Variants in RADIL observed in about 807,000 individuals in gnomAD.
RADIL encodes the protein Rap associating with DIL domain, also known as ras-associating and dilute domain-containing protein.
A neutral mutation model predicts 97.6 loss-of-function variants in RADIL; 99 were observed. The observed-to-expected ratio is 1.01, with a 90% CI of 0.86 to 1.20. RADIL has a LOEUF of 1.20. Among genes scored for constraint, RADIL ranks in the 50% most tolerant of loss-of-function variants. The pLI, the probability that RADIL is intolerant of heterozygous loss-of-function variation, is 0.00. For missense variants in RADIL, 1,765 were observed against 1,498.9 expected (o/e 1.18, Z -2.93); for synonymous variants, 803 against 691.8 (o/e 1.16, Z -2.52).
chr7:4,855,231 C>T (rs1242561060), intron 2 of RADIL, among the ~76,000 whole-genome samples: 3 of 152,086 alleles, frequency 2.0e-5, no homozygotes, highest in Non-Finnish European at 2.9e-5. Context: ...CATAAACACT[C>T]TCATACTCAT....
chr7:4,847,889 G>T (rs966452307), intron 2 of RADIL, among the ~76,000 whole-genome samples: 7 of 152,004 alleles, frequency 4.6e-5, no homozygotes, highest in African/African-American at 1.7e-4. Context: ...AGACACAAAG[G>T]ATCTTTTGGT....
At position 4,818,767 on chromosome 7, in the gene RADIL, C is replaced by T. The variant is rs1357695079; in HGVS notation, c.1616-1416G>A. Among the ~76,000 whole-genome samples the T allele has an allele frequency of 6.6e-6, 1 of 152,154 alleles. No individual in the cohort carries two copies. The highest frequency in any genetic ancestry group is 1.9e-4 in the East Asian group (1 of 5,172). ...CAGGCTGCCAGGTCTGAGAACCCAG[C>T]CCCACATCACTCCCTGGGCAGGGGC... On this transcript the variant is annotated intron_variant, in intron 6 of 14. Transcript: ENST00000399583. This position sits in a 1 kb window ranked among gnomAD's most constrained non-coding sequence, Gnocchi z 7.1.
chr7:4,870,724 G>A (rs540550705), intron 2 of RADIL, among the ~76,000 whole-genome samples: 2 of 152,306 alleles, frequency 1.3e-5, no homozygotes, highest in Admixed American at 6.5e-5. Flanking sequence ...GATTACAGGC[G>A]TGAGCCACCG....
chr7:4,802,328 C>CTGGCTGG (rs1345950397), intron 11 of RADIL, among the ~76,000 whole-genome samples: 45 of 139,548 alleles, frequency 3.2e-4, no homozygotes, highest in African/African-American at 7.3e-4. Flanking sequence ...GGCATGCTGG[C>CTGGCTGG]TGGGCCCCCT....
At chr7:4,804,823 C>T (rs978631618) in intron 10 of RADIL, among the ~76,000 whole-genome samples, 3 of 149,524 alleles carry the variant, frequency 2.0e-5, no homozygotes, top group Non-Finnish European at 4.4e-5. Flanking sequence ...CGGCCAGGCA[C>T]GGTGGCTCAT....
Position 4,814,182 on chromosome 7 carries a change from G to C in RADIL, c.2139+1096C>G, listed in dbSNP as rs1400705607. Among the ~76,000 whole-genome samples the C allele has an allele frequency of 6.6e-6, 1 of 152,192 alleles. No individual in the cohort carries two copies. The highest frequency in any genetic ancestry group is 1.5e-5 in the Non-Finnish European group (1 of 68,038). On this transcript the variant is annotated intron_variant, in intron 9 of 14. Coordinates refer to ENST00000399583, the MANE Select transcript of RADIL (RefSeq NM_018059.5). The surrounding 1 kb of genome is among the most constrained non-coding windows in gnomAD (Gnocchi z 4.5). ...CTCTAGATTTTATCCTCATGGGTTT[G>C]TGGCATTAAAAAGCATTGCTTTACT...
intron 2 of RADIL, among the ~76,000 whole-genome samples, chr7:4,866,999 G>A (rs111778496): frequency 1.3e-5 from 2 of 152,164 alleles, no homozygotes; most frequent in Admixed American, 1.3e-4. Flanking sequence ...GCACCTGTCT[G>A]CTTCCCCTTT....
At position 4,883,352 on chromosome 7, in the gene RADIL, G is replaced by A. The variant is rs1345274609; in HGVS notation, c.-65+244C>T. Among the ~76,000 whole-genome samples the A allele has an allele frequency of 6.6e-6, 1 of 152,120 alleles. No homozygotes were observed. Among genetic ancestry groups the A allele is most frequent in the African/African-American group, 2.4e-5 (1 of 41,444 alleles). ...GCGGACCCCCGGATCCCCGCAGGCT[G>A]GGCCGCCCTTGCCCGCGCTAGCCGG... is the stretch of plus-strand genomic sequence containing the variant. On this transcript the variant is annotated intron_variant, in intron 1 of 14. Coordinates refer to ENST00000399583, the MANE Select transcript of RADIL (RefSeq NM_018059.5). This position sits in a 1 kb window ranked among gnomAD's most constrained non-coding sequence, Gnocchi z 7.1.
chr7:4,840,609 C>T lies in RADIL; in HGVS notation c.536-4004G>A, dbSNP rs1783415080. On this transcript the variant is annotated intron_variant, in intron 2 of 14. Transcript: ENST00000399583. The surrounding 1 kb of genome is among the most constrained non-coding windows in gnomAD (Gnocchi z 5.6). ...CAAGAACAGGGTCACCCCAGGGGCCCTTATGCTACCAATGGGAGATTCCGC... is the reference window on the plus strand; with the variant it reads ...CAAGAACAGGGTCACCCCAGGGGCCTTTATGCTACCAATGGGAGATTCCGC... 6.6e-6 allele frequency among the ~76,000 whole-genome samples: 1 copy of T among 152,158 alleles called. No homozygotes were observed. The highest frequency in any genetic ancestry group is 2.1e-4 in the South Asian group (1 of 4,826).
intron 4 of RADIL, among the ~76,000 whole-genome samples, 197 bp from the exon 5 acceptor site, chr7:4,832,375 CTA>C (rs749757484): frequency 6.6e-6 from 1 of 152,184 alleles, no homozygotes; most frequent in Non-Finnish European, 1.5e-5. Context: ...CCATTACCGA[CTA>C]TGACCTACAA....
chr7:4,874,696 T>A (rs1019494172), intron 2 of RADIL, among the ~76,000 whole-genome samples: 38 of 152,202 alleles, frequency 2.5e-4, no homozygotes, highest in African/African-American at 7.0e-4. Context: ...GCCACGAGCT[T>A]AGACAGGCTG....
At chr7:4,810,526 G>A (rs1782510757) in intron 9 of RADIL, among the ~76,000 whole-genome samples, 1 of 152,198 alleles carries the variant, frequency 6.6e-6, no homozygotes. Context: ...TGAAGAGACT[G>A]CTTTATTCAT....
chr7:4,809,413 C>T (rs972176964), intron 9 of RADIL: 12 of 985,460 alleles, frequency 1.2e-5, no homozygotes, highest in Non-Finnish European at 1.3e-5. Context: ...GCTGCTGCCT[C>T]CTTTCCGTGC....
chr7:4,844,969 G>A (rs1190992415), intron 2 of RADIL, among the ~76,000 whole-genome samples: 2 of 151,994 alleles, frequency 1.3e-5, no homozygotes, highest in Non-Finnish European at 2.9e-5. Flanking sequence ...AACCACATGT[G>A]GCCCCTGAGT....
intron 2 of RADIL, chr7:4,862,101 C>A (rs903660055): frequency 2.0e-5 from 7 of 348,758 alleles, no homozygotes; most frequent in Non-Finnish European, 3.1e-5. Context: ...GCGTTCTGGG[C>A]TGGGGCTCCT....
chr7:4,834,610 G>C lies in RADIL; in HGVS notation c.1413C>G (p.Val471=). The change falls in exon 4 of 15, where the codon GTC becomes GTG. Residue 471 remains valine, a synonymous_variant. Coordinates refer to ENST00000399583, the MANE Select transcript of RADIL (RefSeq NM_018059.5). This position sits in a 1 kb window ranked among gnomAD's most constrained non-coding sequence, Gnocchi z 6.0. The part of the protein sequence containing the change: ...LKIARLIRET[V]WEKTKELAEK... ...CCGCCCACCCCAGCACACTGACCCA[G>C]ACAGTCTCGCGGATCAGCCTGGCTA... 2 of 1,336,636 alleles carry C rather than the reference G, an allele frequency of 1.5e-6. No individual in the cohort carries two copies. The highest frequency in any genetic ancestry group is 1.9e-6 in the Non-Finnish European group (2 of 1,036,964). The allele number at this position is 1,336,636 out of a possible 1,614,324, so 82.8% of individuals were successfully genotyped here.
intron 13 of RADIL, 96 bp from the exon 14 acceptor site, chr7:4,799,865 G>A (rs559773615): frequency 1.2e-4 from 169 of 1,421,828 alleles, no homozygotes; most frequent in South Asian, 8.2e-4. Context: ...ACAGGCCCCC[G>A]CCTGGCATCC....
chr7:4,838,992 A>G (rs926073839), intron 2 of RADIL, among the ~76,000 whole-genome samples: 2 of 152,220 alleles, frequency 1.3e-5, no homozygotes, highest in Admixed American at 6.5e-5. Flanking sequence ...CGCTTGAGTT[A>G]GCAAAGCCCA....
At chr7:4,833,037 A>G (rs551653539) in intron 4 of RADIL, among the ~76,000 whole-genome samples, 7 of 152,182 alleles carry the variant, frequency 4.6e-5, no homozygotes, top group South Asian at 2.1e-4. Flanking sequence ...GGACCAGGCA[A>G]TTCACCTCTG....
Sources: allele counts gnomAD v4.1 joint callset (sites outside exome capture counted in the v4.1 genomes callset), GRCh38; gene constraint gnomAD v4.1.1; non-coding constraint Gnocchi (gnomAD v3.1); transcripts MANE v1.5; gene names NCBI Gene and HGNC (gene_info 2026-07-23, HGNC 2026-07-21).